Variants in HENMT1 observed in about 807,000 individuals in gnomAD.
HENMT1 encodes small RNA 2'-O-methyltransferase.
HENMT1 carries 27 observed loss-of-function variants against 31.1 expected under a neutral mutation model. The observed-to-expected ratio is 0.87, with a 90% CI of 0.64 to 1.20. HENMT1 has a LOEUF of 1.20. Ranked by LOEUF, HENMT1 falls within the 50% of genes most tolerant of loss-of-function variation. HENMT1 has a pLI of 0.00. For synonymous variants in HENMT1, 167 were observed against 172.2 expected (o/e 0.97, Z 0.24); for missense variants, 438 against 469.6 (o/e 0.93, Z 0.62).
chr1:108,660,837 T>C (rs1658438735), intron 1 of HENMT1, 126 bp downstream of exon 1: 1 of 252,140 alleles, frequency 4.0e-6, no homozygotes, highest in Non-Finnish European at 6.1e-6. Flanking sequence ...GGCAGGAGAA[T>C]GGCATGAACC....
At chr1:108,651,676 G>A (rs907399147) in intron 5 of HENMT1, among the ~76,000 whole-genome samples, 5 of 145,282 alleles carry the variant, frequency 3.4e-5, no homozygotes, top group African/African-American at 1.3e-4. Flanking sequence ...AAGGAAGGAA[G>A]GAAGGAAAGA....
chr1:108,656,850 C>T (rs1016515736), intron 3 of HENMT1, among the ~76,000 whole-genome samples: 7 of 152,170 alleles, frequency 4.6e-5, no homozygotes, highest in Non-Finnish European at 7.3e-5. Flanking sequence ...TCTAGAAGTA[C>T]GGTACCTACA....
chr1:108,658,020 CACACTT>C (rs1476756572), intron 2 of HENMT1, among the ~76,000 whole-genome samples: 1 of 148,064 alleles, frequency 6.8e-6, no homozygotes, highest in East Asian at 2.0e-4. Context: ...TATATGTACA[CACACTT>C]ACACACACAC....
At chr1:108,658,128 TATATA>T (rs1658320927) in intron 2 of HENMT1, among the ~76,000 whole-genome samples, 1 of 145,488 alleles carries the variant, frequency 6.9e-6, no homozygotes, top group African/African-American at 2.7e-5. Flanking sequence ...CATATATATA[TATATA>T]TTTTTTTTTT....
At chr1:108,649,098 T>C in intron 7 of HENMT1, 107 bp from the exon 8 acceptor site, 4 of 801,686 alleles carry the variant, frequency 5.0e-6, no homozygotes, top group Non-Finnish European at 7.7e-6. Flanking sequence ...ATGTACATAT[T>C]GAATATATGT....
chr1:108,650,502 T>C, intron 6 of HENMT1, 114 bp from the exon 7 acceptor site: 1 of 897,102 alleles, frequency 1.1e-6, no homozygotes, highest in East Asian at 2.6e-5. Flanking sequence ...TGAACATAAA[T>C]ACTTCTAAGT....
rs766819347 is a variant in HENMT1, at chr1:108,657,477, A to C, written c.124T>G (p.Leu42Val). ...YRQRYQFVKN[L>V]VDQHEPKKVA... The stretch of plus-strand genomic sequence containing the variant: ...TTCTTAGGCTCATGTTGATCCACTA[A>C]ATTTTTAACGAACTGGTACCGCTGT... Residue 42 changes from leucine to valine, a missense_variant, in exon 3 of 8, where the codon TTA becomes GTA. Leu to Val is a conservative substitution (Grantham distance 32). Transcript: ENST00000651461. The C allele has an allele frequency of 6.8e-6, 11 of 1,609,646 alleles. No individual in the cohort carries two copies. Among genetic ancestry groups the C allele is most frequent in the Middle Eastern group, 3.3e-4 (2 of 6,074 alleles).
chr1:108,659,782 A>C, intron 2 of HENMT1, 82 bp downstream of exon 2: 1 of 886,728 alleles, frequency 1.1e-6, no homozygotes, highest in South Asian at 1.5e-5. Context: ...AAATGTGATC[A>C]ATTTTGTTTG....
intron 4 of HENMT1, 104 bp from the exon 5 acceptor site, chr1:108,654,954 A>T: frequency 8.5e-7 from 1 of 1,178,878 alleles, no homozygotes; most frequent in Non-Finnish European, 1.2e-6. Context: ...ACCTCTATTG[A>T]TATAAGTCTG....
chr1:108,658,775 G>A (rs913109805), intron 2 of HENMT1, among the ~76,000 whole-genome samples: 2 of 151,970 alleles, frequency 1.3e-5, no homozygotes, highest in African/African-American at 4.8e-5. Flanking sequence ...TGTTCTTATT[G>A]CAACAGTCCT....
At chr1:108,653,779 T>C (rs1008990722) in intron 5 of HENMT1, among the ~76,000 whole-genome samples, 22 of 152,242 alleles carry the variant, frequency 1.4e-4, no homozygotes, top group African/African-American at 4.3e-4. Flanking sequence ...GTTTTTTTGC[T>C]GTTGAGATTC....
At chr1:108,651,364 G>T in intron 5 of HENMT1, 155 bp from the exon 6 acceptor site, 1 of 660,744 alleles carries the variant, frequency 1.5e-6, no homozygotes, top group Non-Finnish European at 2.5e-6. Flanking sequence ...AATTATTCGG[G>T]CCAGGCACAG....
At chr1:108,659,612 G>C (rs940915635) in intron 2 of HENMT1, among the ~76,000 whole-genome samples, 1 of 152,126 alleles carries the variant, frequency 6.6e-6, no homozygotes, top group African/African-American at 2.4e-5. Context: ...AACCACATTG[G>C]GGAACACTAC....
chr1:108,652,752 G>A (rs1658093087), intron 5 of HENMT1, among the ~76,000 whole-genome samples: 1 of 152,028 alleles, frequency 6.6e-6, no homozygotes, highest in African/African-American at 2.4e-5. Context: ...AGACCAGCCT[G>A]GCCAATAGGG....
chr1:108,648,516 G>GTC lies in HENMT1; in HGVS notation c.*49_*50insGA. On this transcript the variant is annotated 3_prime_UTR_variant, in exon 8 of 8. Transcript: ENST00000651461. ...TTACACAAAAAAAACTAAATTCTAA[G>GTC]TGAGCACAACTATCGCTGAGACCCT... 1 of 1,484,216 alleles carries GTC rather than the reference G, an allele frequency of 6.7e-7. No individual in the cohort carries two copies. Among genetic ancestry groups the GTC allele is most frequent in the Non-Finnish European group, 9.2e-7 (1 of 1,089,120 alleles). 91.9% of individuals were successfully genotyped at this position (1,484,216 alleles called of 1,614,324 possible). A position where few individuals can be genotyped will look rare whatever the true frequency, so the allele number is the denominator to read the frequency against.
chr1:108,657,572 C>T lies in HENMT1; in HGVS notation c.29G>A (p.Ser10Asn), dbSNP rs887592668. MEENNLQCS[S>N]VVDGNFEEVP... is the part of the protein sequence containing the mutation. ...TTCTTCAAAATTACCGTCAACCACA[C>T]TACTGCACTGAAGTTCACAAACAAA... Residue 10 changes from serine (S) to asparagine (N), a missense_variant, in exon 3 of 8, where the codon AGT (serine) becomes AAT (asparagine). Transcript: ENST00000651461. 9.3e-6 allele frequency: 15 copies of T among 1,612,938 alleles called. No individual in the cohort carries two copies. Among genetic ancestry groups the T allele is most frequent in the Non-Finnish European group, 1.3e-5 (15 of 1,179,642 alleles).
intron 5 of HENMT1, among the ~76,000 whole-genome samples, chr1:108,654,169 C>T (rs1275720991): frequency 1.3e-5 from 2 of 152,018 alleles, no homozygotes; most frequent in Non-Finnish European, 2.9e-5. Flanking sequence ...TTCTTGGTGT[C>T]TTTGTTGAAA....
chr1:108,649,054 A>G lies in HENMT1; in HGVS notation c.757-63T>C, dbSNP rs535797427. 8.3e-5 allele frequency: 112 copies of G among 1,357,086 alleles called. No homozygotes were observed. The African/African-American group carries it at 1.6e-3, about 19-fold the overall frequency. 84.1% of individuals were successfully genotyped at this position (1,357,086 alleles called of 1,614,324 possible). A position where few individuals can be genotyped will look rare whatever the true frequency, so the allele number is the denominator to read the frequency against. ...AATATAAACATACATAAATTTTCAA[A>G]GCCATCAATAACTTTTTTGCCATGT... On this transcript the variant is annotated intron_variant, in intron 7 of 7. Coordinates refer to ENST00000651461, the MANE Select transcript of HENMT1 (RefSeq NM_001102592.2).
In HENMT1 at chr1:108,657,659, A is replaced by C. The variant is rs997282096; in HGVS notation, c.22-80T>G. On this transcript the variant is annotated intron_variant, in intron 2 of 7. Transcript: ENST00000651461. ...TTAAATAAGGGGCAAAAAAAAAAAA[A>C]CTTTATTTCCCCCAATCACTTTGAA... 3.7e-6 allele frequency: 5 copies of C among 1,338,222 alleles called. No homozygotes were observed. In the African/African-American group the frequency reaches 7.5e-5, roughly 20 times the overall value. 82.9% of individuals were successfully genotyped at this position (1,338,222 alleles called of 1,614,324 possible). A position where few individuals can be genotyped will look rare whatever the true frequency, so the allele number is the denominator to read the frequency against.
Sources: gnomAD v4.1 joint callset for allele counts (sites outside exome capture counted in the v4.1 genomes callset) on GRCh38, gnomAD v4.1.1 for gene constraint, MANE v1.5 for transcripts, NCBI Gene and HGNC (gene_info 2026-07-23, HGNC 2026-07-21) for gene names.